Variants in SASH1 observed in about 807,000 individuals in gnomAD.
SASH1 encodes the protein SAM and SH3 domain-containing protein 1.
In SASH1, 44 loss-of-function variants were observed where a neutral mutation model predicts 125.2. The ratio of observed to expected loss-of-function variants is 0.35; its 90% confidence interval spans 0.28 to 0.45. SASH1 has a LOEUF of 0.45. SASH1 is among the 20% of genes least tolerant of loss of function. SASH1 has a pLI of 1.00. For synonymous variants in SASH1, 639 were observed against 649.1 expected (o/e 0.98, Z 0.24); for missense variants, 1,426 against 1,614.5 (o/e 0.88, Z 2.00).
At chr6:148,504,426 A>G (rs976352198) in intron 8 of SASH1, among the ~76,000 whole-genome samples, 2 of 152,134 alleles carry the variant, frequency 1.3e-5, no homozygotes, top group Non-Finnish European at 2.9e-5. Flanking sequence ...GCTAATGAGG[A>G]CCAATTCCTC....
At chr6:148,472,873 T>C (rs1351191367) in intron 6 of SASH1, among the ~76,000 whole-genome samples, 2 of 152,090 alleles carry the variant, frequency 1.3e-5, no homozygotes, top group African/African-American at 2.4e-5. Context: ...CCTAACGATA[T>C]TGGAAGCTGG....
intron 16 of SASH1, among the ~76,000 whole-genome samples, chr6:148,538,112 G>GC (rs1212340090): frequency 1.3e-5 from 2 of 152,086 alleles, no homozygotes; most frequent in Non-Finnish European, 2.9e-5. Context: ...AGCGATTCTA[G>GC]CCCCCTTCCT....
chr6:148,524,226 C>T (rs1273818738), intron 10 of SASH1, among the ~76,000 whole-genome samples: 1 of 144,130 alleles, frequency 6.9e-6, no homozygotes, highest in Non-Finnish European at 1.5e-5. Context: ...TACTTTTGCA[C>T]CAACCTAATA....
intron 16 of SASH1, among the ~76,000 whole-genome samples, chr6:148,536,778 C>CAAGGGA (rs1781872330): frequency 6.6e-6 from 1 of 152,212 alleles, no homozygotes. Flanking sequence ...CCCATCATTC[C>CAAGGGA]TCCTGGGATC....
intron 2 of SASH1, among the ~76,000 whole-genome samples, chr6:148,402,655 C>T (rs536866091): frequency 1.4e-5 from 2 of 146,630 alleles, no homozygotes; most frequent in East Asian, 4.1e-4. Context: ...CGCTCGGTCG[C>T]CCAGGCTGGA....
chr6:148,254,141 A>G, the SASH1 span, among the ~76,000 whole-genome samples: 1 of 151,270 alleles, frequency 6.6e-6, no homozygotes, highest in Non-Finnish European at 1.5e-5. Flanking sequence ...TGGGAAGTGG[A>G]GGTTGCAGTG....
intron 2 of SASH1, among the ~76,000 whole-genome samples, chr6:148,390,719 C>T (rs1583072007): frequency 6.6e-6 from 1 of 150,964 alleles, no homozygotes. Flanking sequence ...ACCTGGGTGG[C>T]AGAGCTTGCA....
the SASH1 span, among the ~76,000 whole-genome samples, chr6:148,228,230 T>C: frequency 1.9e-4 from 29 of 152,386 alleles, no homozygotes; most frequent in African/African-American, 5.5e-4. Flanking sequence ...ATATGTATGA[T>C]ATCTTTTTTC....
intron 5 of SASH1, among the ~76,000 whole-genome samples, chr6:148,470,786 G>C (rs78473428): frequency 0.067 from 10,235 of 152,050 alleles, 445 homozygotes; most frequent in Non-Finnish European, 0.097. Flanking sequence ...CTGTAGGTGG[G>C]TCACCAGGTA....
the SASH1 span, among the ~76,000 whole-genome samples, chr6:148,238,310 G>A: frequency 1.3e-5 from 2 of 151,826 alleles, no homozygotes; most frequent in African/African-American, 2.4e-5. Context: ...CACAACCTCC[G>A]CCTCCCAGGT....
chr6:148,246,052 A>C, the SASH1 span, among the ~76,000 whole-genome samples: 12 of 152,112 alleles, frequency 7.9e-5, no homozygotes, highest in Non-Finnish European at 1.8e-4. Flanking sequence ...TCCCTAACAC[A>C]TACACAAACA....
intron 4 of SASH1, among the ~76,000 whole-genome samples, chr6:148,441,554 G>T (rs1010361973): frequency 1.3e-5 from 2 of 152,174 alleles, no homozygotes; most frequent in African/African-American, 4.8e-5. Context: ...GACAAAAAAG[G>T]CTCAAGTTGA....
At chr6:148,463,814 C>G (rs1777724196) in intron 4 of SASH1, among the ~76,000 whole-genome samples, 2 of 152,320 alleles carry the variant, frequency 1.3e-5, no homozygotes, top group African/African-American at 4.8e-5. Flanking sequence ...CTTTCCCCAT[C>G]TGGGGAAGTG....
Position 148,287,251 on chromosome 6 carries a change from C to T in SASH1, n.74+14874C>T, listed in dbSNP as rs547690969. 8.5e-5 allele frequency among the ~76,000 whole-genome samples: 13 copies of T among 152,314 alleles called. No homozygotes were observed. In the East Asian group the frequency reaches 2.5e-3, roughly 29 times the overall value. ...TGGGGTGCTGATGTGAGCCAATGTG[C>T]TCTTTCCTCTACTATCAGTATTCAG... On this transcript the variant is annotated intron_variant and non_coding_transcript_variant, in intron 1 of 3. Transcript: ENST00000367469.
chr6:148,435,111 C>T (rs1776238733), intron 2 of SASH1, among the ~76,000 whole-genome samples: 1 of 152,118 alleles, frequency 6.6e-6, no homozygotes, highest in African/African-American at 2.4e-5. Flanking sequence ...GCCTGTAATC[C>T]TAGCATTTTG....
At chr6:148,217,306 TAGCATAGGATTGTTGTA>T in the SASH1 span, among the ~76,000 whole-genome samples, 1 of 152,318 alleles carries the variant, frequency 6.6e-6, no homozygotes, top group African/African-American at 2.4e-5. Context: ...ATAATATGCA[TAGCATAGGATTGTTGTA>T]AGGACTTTAA....
intron 2 of SASH1, among the ~76,000 whole-genome samples, chr6:148,390,614 G>T (rs959466024): frequency 1.3e-5 from 2 of 151,990 alleles, no homozygotes; most frequent in East Asian, 1.9e-4. Context: ...GTGAAACCCC[G>T]TCTCTACTAA....
At chr6:148,285,558 G>A (rs1779460610) in intron 1 of SASH1, among the ~76,000 whole-genome samples, 1 of 152,026 alleles carries the variant, frequency 6.6e-6, no homozygotes, top group South Asian at 2.1e-4. Flanking sequence ...GTGACAGGCT[G>A]TTTTGGTTTT....
chr6:148,532,214 C>T lies in SASH1; in HGVS notation c.1564+553C>T, dbSNP rs1781560874. ...TGCCTCAGCCTTCCGCATAGCTGTA[C>T]TACAGGGTCATGCCACCACACCCGG... is the stretch of plus-strand genomic sequence containing the variant. On this transcript the variant is annotated intron_variant, in intron 13 of 19. Transcript: ENST00000367467. The surrounding 1 kb of genome is among the most constrained non-coding windows in gnomAD (Gnocchi z 4.7). Among the ~76,000 whole-genome samples the T allele has an allele frequency of 6.6e-6, 1 of 152,166 alleles. No homozygotes were observed. The highest frequency in any genetic ancestry group is 2.4e-5 in the African/African-American group (1 of 41,514).
Sources: allele counts gnomAD v4.1 joint callset (sites outside exome capture counted in the v4.1 genomes callset), GRCh38; gene constraint gnomAD v4.1.1; non-coding constraint Gnocchi (gnomAD v3.1); transcripts MANE v1.5; gene names NCBI Gene and HGNC (gene_info 2026-07-23, HGNC 2026-07-21).